PIEZO2: variants seen among roughly 807,000 people sequenced by gnomAD.
PIEZO2 encodes piezo type mechanosensitive ion channel component 2.
Under a neutral mutation model 337.3 loss-of-function variants are expected in PIEZO2, and 172 were observed. The observed-to-expected ratio is 0.51, with a 90% CI of 0.45 to 0.58. PIEZO2 has a LOEUF of 0.58. Ranked by LOEUF, PIEZO2 falls within the 20% of genes least tolerant of loss-of-function variation. The pLI is 0.00. For missense variants in PIEZO2, 3,028 were observed against 3,391.3 expected, an observed-to-expected ratio of 0.89 and a Z score of 2.66; for synonymous variants, 1,251 against 1,228.5, an observed-to-expected ratio of 1.02 and a Z score of -0.38.
intron 47 of PIEZO2, among the ~76,000 whole-genome samples, chr18:10,694,067 C>A (rs1321183197): frequency 2.0e-5 from 3 of 152,078 alleles, no homozygotes; most frequent in Non-Finnish European, 4.4e-5. Flanking sequence ...TTCTGGGTAA[C>A]AATCCTTTAT....
intron 3 of PIEZO2, among the ~76,000 whole-genome samples, chr18:10,936,557 G>A (rs1035615023): frequency 3.3e-5 from 5 of 152,106 alleles, no homozygotes; most frequent in Non-Finnish European, 5.9e-5. Context: ...TTGCTGATGT[G>A]CTAGTTGGCT....
intron 2 of PIEZO2, among the ~76,000 whole-genome samples, chr18:11,023,954 G>A (rs964508839): frequency 1.3e-5 from 2 of 152,184 alleles, no homozygotes; most frequent in Admixed American, 6.5e-5. Flanking sequence ...CGGGGCCGCC[G>A]AGCCCACGCC....
In PIEZO2 at chr18:10,744,242, A is replaced by G; in HGVS notation, c.4425-11T>C. 6.8e-7 allele frequency: 1 copy of G among 1,478,384 alleles called. No homozygotes were observed. The highest frequency in any genetic ancestry group is 9.1e-7 in the Non-Finnish European group (1 of 1,093,784). The allele number at this position is 1,478,384 out of a possible 1,614,324, so 91.6% of individuals were successfully genotyped here. A position where few individuals can be genotyped will look rare whatever the true frequency, so the allele number is the denominator to read the frequency against. On this transcript the variant is annotated splice_polypyrimidine_tract_variant and intron_variant, in intron 30 of 55. Transcript: ENST00000674853. Reference sequence around the variant, plus strand: ...AAAAGTTCAGCTCCTCTAAAGGGAAAGTGGAAACATGAACAAGTCAATATT... The same window carrying G: ...AAAAGTTCAGCTCCTCTAAAGGGAAGGTGGAAACATGAACAAGTCAATATT...
chr18:11,006,607 T>C (rs2035731404), intron 2 of PIEZO2, among the ~76,000 whole-genome samples: 1 of 152,188 alleles, frequency 6.6e-6, no homozygotes, highest in African/African-American at 2.4e-5. Flanking sequence ...GCATCTGCTA[T>C]GAAACACAGC....
In PIEZO2 at chr18:10,675,261, A is replaced by G; in HGVS notation, c.8109T>C (p.Tyr2703=). 1.3e-6 allele frequency: 2 copies of G among 1,540,206 alleles called. No homozygotes were observed. Among genetic ancestry groups the G allele is most frequent in the Non-Finnish European group, 1.8e-6 (2 of 1,138,698 alleles). The change falls in exon 54 of 56, where the codon TAT becomes TAC. Residue 2703 remains tyrosine, a synonymous_variant. Coordinates refer to ENST00000674853, the MANE Select transcript of PIEZO2 (RefSeq NM_001378183.1). Reference sequence around the variant, plus strand: ...AGTTAGAATCACTAGGTGCTTTCACATAATATGGATAAATCTTTTCTATGG... The same window carrying G: ...AGTTAGAATCACTAGGTGCTTTCACGTAATATGGATAAATCTTTTCTATGG... ...PVTIEKIYPY[Y]VKAPSDSNSK... is the part of the protein sequence containing the mutation.
rs545748889 is a variant in PIEZO2 at position 10,984,564 on chromosome 18, A to T, written c.161-4904T>A. On this transcript the variant is annotated intron_variant, in intron 2 of 55. Transcript: ENST00000674853. ...GAACAAGCACACAAAAAAATAATAA[A>T]AAACGGTTTTTAAAATCCTATGGGA... 9.9e-5 allele frequency among the ~76,000 whole-genome samples: 15 copies of T among 152,214 alleles called. No individual in the cohort carries two copies. In the South Asian group the frequency reaches 2.5e-3, roughly 25 times the overall value.
chr18:10,695,516 G>C (rs761734514), intron 47 of PIEZO2, among the ~76,000 whole-genome samples: 1 of 152,124 alleles, frequency 6.6e-6, no homozygotes, highest in Non-Finnish European at 1.5e-5. Flanking sequence ...ATGGGTCTGC[G>C]TGCTTCTCTT....
chr18:10,685,990 A>G (rs1478067845), intron 49 of PIEZO2, among the ~76,000 whole-genome samples: 1 of 152,144 alleles, frequency 6.6e-6, no homozygotes, highest in Non-Finnish European at 1.5e-5. Flanking sequence ...CCAGACCCCC[A>G]TCAGAACTTC....
At chr18:10,890,554 C>T (rs930922509) in intron 4 of PIEZO2, 1 of 152,088 alleles carries the variant, frequency 6.6e-6, no homozygotes, top group Non-Finnish European at 1.5e-5. Flanking sequence ...TCCTTCTTCA[C>T]ATGGAGGCAG....
At chr18:10,768,016 G>C (rs1484217503) in intron 21 of PIEZO2, among the ~76,000 whole-genome samples, 4 of 152,226 alleles carry the variant, frequency 2.6e-5, no homozygotes, top group African/African-American at 9.6e-5. Context: ...CTGAGCTCCA[G>C]CCCAGGAAAG....
At chr18:11,119,147 CTTT>C (rs58414095) in intron 1 of PIEZO2, among the ~76,000 whole-genome samples, 112 of 131,210 alleles carry the variant, frequency 8.5e-4, no homozygotes, top group Admixed American at 1.6e-3. Context: ...CAAATATTTG[CTTT>C]TTTTTTTTTT....
chr18:10,823,118 C>T (rs16975432), intron 7 of PIEZO2, among the ~76,000 whole-genome samples: 2,987 of 152,170 alleles, frequency 0.02, 85 homozygotes, highest in African/African-American at 0.068. Context: ...TATAAGGTAC[C>T]GAATAGGTAG....
At chr18:10,964,228 T>G (rs2033908136) in intron 3 of PIEZO2, among the ~76,000 whole-genome samples, 1 of 152,180 alleles carries the variant, frequency 6.6e-6, no homozygotes, top group South Asian at 2.1e-4. Context: ...TGATTAAACA[T>G]TTTAAATTAT....
In PIEZO2 at chr18:11,047,639, G is replaced by A. The variant is rs930774468; in HGVS notation, c.160+18488C>T. Among the ~76,000 whole-genome samples, 41 of 152,110 alleles carry A rather than the reference G, an allele frequency of 2.7e-4. 1 individual carries two copies. The highest frequency in any genetic ancestry group is 2.9e-5 in the Non-Finnish European group (2 of 68,012). ...AACACTCCAGGCAATAGGGAGAATC[G>A]AAGTCTTGGTCCTAAGGAGGAGGGC... On this transcript the variant is annotated intron_variant, in intron 2 of 55. Coordinates refer to ENST00000674853, the MANE Select transcript of PIEZO2 (RefSeq NM_001378183.1). This position sits in a 1 kb window ranked among gnomAD's most constrained non-coding sequence, Gnocchi z 7.2.
chr18:11,003,176 T>C lies in PIEZO2; in HGVS notation c.161-23516A>G, dbSNP rs983502644. ...TGATGCAGTGAGGTTCCAGGACGTG[T>C]GTGGTATTAACTGTAGCACTAAGAT... is the stretch of plus-strand genomic sequence containing the variant. On this transcript the variant is annotated intron_variant, in intron 2 of 55. Transcript: ENST00000674853. This position sits in a 1 kb window ranked among gnomAD's most constrained non-coding sequence, Gnocchi z 4.6. Among the ~76,000 whole-genome samples, 15 of 152,210 alleles carry C rather than the reference T, an allele frequency of 9.9e-5. No individual in the cohort carries two copies. The highest frequency in any genetic ancestry group is 3.1e-4 in the African/African-American group (13 of 41,452).
chr18:10,793,158 C>A (rs1306400022), intron 13 of PIEZO2, among the ~76,000 whole-genome samples: 1 of 152,092 alleles, frequency 6.6e-6, no homozygotes, highest in East Asian at 1.9e-4. Flanking sequence ...ACTCGGGAGG[C>A]TGAGGCAGGA....
chr18:10,810,268 C>T (rs1195531922), intron 7 of PIEZO2, among the ~76,000 whole-genome samples: 1 of 152,084 alleles, frequency 6.6e-6, no homozygotes, highest in Non-Finnish European at 1.5e-5. Flanking sequence ...GAAGATAGGT[C>T]CCCAAGAGAT....
In PIEZO2 at chr18:11,108,678, TTTTC is replaced by T. The variant is rs555918251; in HGVS notation, c.64+39843_64+39846del. Among the ~76,000 whole-genome samples, 579 of 151,114 alleles carry T rather than the reference TTTTC, an allele frequency of 3.8e-3. 1 individual carries two copies. The highest frequency in any genetic ancestry group is 5.8e-3 in the Non-Finnish European group (394 of 67,822). On this transcript the variant is annotated intron_variant, in intron 1 of 55. Coordinates refer to ENST00000674853, the MANE Select transcript of PIEZO2 (RefSeq NM_001378183.1). ...CATTGATTTCACAGTTTATAACATATTTTCATATATGTTGTCTGATTTTATTCCC... is the reference window on the plus strand; with the variant it reads ...CATTGATTTCACAGTTTATAACATATATATATGTTGTCTGATTTTATTCCC...
In PIEZO2 at chr18:10,773,337, G is replaced by C. The variant is rs1389913809; in HGVS notation, c.2785+75C>G. 2 of 1,406,268 alleles carry C rather than the reference G, an allele frequency of 1.4e-6. No homozygotes were observed. Among genetic ancestry groups the C allele is most frequent in the African/African-American group, 2.9e-5 (2 of 70,108 alleles). 87.1% of individuals were successfully genotyped at this position (1,406,268 alleles called of 1,614,324 possible). Reference sequence around the variant, plus strand: ...ACTGGGTCAAATATATATTCTTTTGGAGCAAGTCAATGTTTCCTTCACTCA... The same window carrying C: ...ACTGGGTCAAATATATATTCTTTTGCAGCAAGTCAATGTTTCCTTCACTCA... On this transcript the variant is annotated intron_variant, in intron 20 of 55. Coordinates refer to ENST00000674853, the MANE Select transcript of PIEZO2 (RefSeq NM_001378183.1). This position sits in a 1 kb window ranked among gnomAD's most constrained non-coding sequence, Gnocchi z 5.3.
Sources: gnomAD v4.1 joint callset for allele counts (sites outside exome capture counted in the v4.1 genomes callset) on GRCh38, gnomAD v4.1.1 for gene constraint, Gnocchi (gnomAD v3.1) non-coding constraint, MANE v1.5 for transcripts, NCBI Gene and HGNC (gene_info 2026-07-23, HGNC 2026-07-21) for gene names.